Variants in ADAM20 observed in about 807,000 individuals in gnomAD.
The protein encoded by ADAM20 is ADAM metallopeptidase domain 20, also known as disintegrin and metalloproteinase domain-containing protein 20.
For missense variants in ADAM20, 871 were observed against 883.2 expected, an observed-to-expected ratio of 0.99 and a Z score of 0.18; for synonymous variants, 305 against 310.2, an observed-to-expected ratio of 0.98 and a Z score of 0.18.
chr14:70,544,929 T>C, the ADAM20 span, among the ~76,000 whole-genome samples: 1 of 152,158 alleles, frequency 6.6e-6, no homozygotes, highest in East Asian at 1.9e-4. Context: ...ATAAAATTTA[T>C]GAATATCTAG....
At chr14:70,571,430 G>A in the ADAM20 span, among the ~76,000 whole-genome samples, 195 of 152,342 alleles carry the variant, frequency 1.3e-3, no homozygotes, top group Admixed American at 2.3e-3. Context: ...CTGCCATCAT[G>A]TGAAGAAGAA....
chr14:70,523,686 C>T lies in ADAM20; in HGVS notation c.1072G>A (p.Val358Met), dbSNP rs748598801. 1.1e-5 allele frequency: 17 copies of T among 1,614,090 alleles called. 1 individual carries two copies. In the South Asian group the frequency reaches 1.8e-4, roughly 17 times the overall value. Residue 358 changes from valine to methionine, a missense_variant, in exon 2 of 2, where the codon GTG (valine) becomes ATG (methionine). Transcript: ENST00000256389. ...ATTATGCACCACTGTAGCTCGCACA[C>T]ACACCACTGGGTGTCATGTTGCATA... is the stretch of plus-strand genomic sequence containing the variant. Reference protein sequence around the residue: ...LGMQHDTQWCVCELQWCIMHA... With the variant: ...LGMQHDTQWCMCELQWCIMHA...
At chr14:70,576,965 G>A in the ADAM20 span, among the ~76,000 whole-genome samples, 2 of 152,144 alleles carry the variant, frequency 1.3e-5, no homozygotes, top group African/African-American at 4.8e-5. Flanking sequence ...CCTGAGCTGG[G>A]CTGTGAAGAA....
the ADAM20 span, among the ~76,000 whole-genome samples, chr14:70,565,086 A>T: frequency 6.6e-6 from 1 of 151,196 alleles, no homozygotes; most frequent in Admixed American, 6.6e-5. Flanking sequence ...ATATAATTAA[A>T]TTTTTAAAAT....
In ADAM20 at chr14:70,522,751, T is replaced by C; in HGVS notation, c.2007A>G (p.Gly669=). The change falls in exon 2 of 2, where the codon GGA becomes GGG. Residue 669 remains glycine, a synonymous_variant. Coordinates refer to ENST00000256389, the MANE Select transcript of ADAM20 (RefSeq NM_003814.5). ...GAGGTGGGCCACTATCAGCACTACCTCCATAGCCTTTGTCCTTGCAGTATG... is the reference window on the plus strand; with the variant it reads ...GAGGTGGGCCACTATCAGCACTACCCCCATAGCCTTTGTCCTTGCAGTATG... ...APPYCKDKGY[G]GSADSGPPPK... 2 of 1,614,040 alleles carry C rather than the reference T, an allele frequency of 1.2e-6. No individual in the cohort carries two copies. The highest frequency in any genetic ancestry group is 8.5e-7 in the Non-Finnish European group (1 of 1,179,940).
At chr14:70,525,565 C>G (rs1001967317) in intron 1 of ADAM20, among the ~76,000 whole-genome samples, 1 of 152,106 alleles carries the variant, frequency 6.6e-6, no homozygotes. Context: ...ACAAATCTTT[C>G]TTCCAACCAA....
At chr14:70,536,079 T>C (rs879899895), upstream of ADAM20, among the ~76,000 whole-genome samples, 8 of 152,240 alleles carry the variant, frequency 5.3e-5, no homozygotes, top group South Asian at 2.1e-4. Flanking sequence ...CATCCAACAA[T>C]TGCAGCACAG....
the ADAM20 span, among the ~76,000 whole-genome samples, chr14:70,578,201 A>G: frequency 6.6e-6 from 1 of 152,134 alleles, no homozygotes; most frequent in Non-Finnish European, 1.5e-5. Flanking sequence ...ATCATTTTTT[A>G]AAATGATCTT....
the ADAM20 span, among the ~76,000 whole-genome samples, chr14:70,560,019 G>A: frequency 6.6e-6 from 1 of 152,030 alleles, no homozygotes; most frequent in Non-Finnish European, 1.5e-5. Flanking sequence ...AAGAATAAAG[G>A]GGAGAAAATG....
At chr14:70,573,964 A>G in the ADAM20 span, among the ~76,000 whole-genome samples, 1 of 152,246 alleles carries the variant, frequency 6.6e-6, no homozygotes, top group African/African-American at 2.4e-5. Context: ...AAGGTCATCC[A>G]GACAGAAAAT....
chr14:70,522,776 G>A lies in ADAM20; in HGVS notation c.1982C>T (p.Pro661Leu). 1 of 1,614,038 alleles carries A rather than the reference G, an allele frequency of 6.2e-7. No individual in the cohort carries two copies. The highest frequency in any genetic ancestry group is 8.5e-7 in the Non-Finnish European group (1 of 1,179,944). Reference sequence around the variant, plus strand: ...TCCATAGCCTTTGTCCTTGCAGTATGGGGGTGCCCATTCATGGTTGCAGTG... The same window carrying A: ...TCCATAGCCTTTGTCCTTGCAGTATAGGGGTGCCCATTCATGGTTGCAGTG... ...HCHCNHEWAPPYCKDKGYGGS... is the reference protein window; with the variant it reads ...HCHCNHEWAPLYCKDKGYGGS... The change falls in exon 2 of 2, where the codon CCA becomes CTA. Residue 661 changes from proline to leucine, a missense_variant. Physicochemically the swap from Pro to Leu is moderately conservative, Grantham distance 98. Transcript: ENST00000256389.
chr14:70,565,961 C>T, the ADAM20 span, among the ~76,000 whole-genome samples: 1 of 151,568 alleles, frequency 6.6e-6, no homozygotes, highest in African/African-American at 2.4e-5. Flanking sequence ...ACCAAGAGTG[C>T]TATACCCAGC....
chr14:70,577,261 A>C, the ADAM20 span, among the ~76,000 whole-genome samples: 5 of 152,286 alleles, frequency 3.3e-5, no homozygotes, highest in East Asian at 9.6e-4. Context: ...ATAGTACATA[A>C]AAAAATAATA....
the ADAM20 span, among the ~76,000 whole-genome samples, chr14:70,566,756 G>C: frequency 5.9e-5 from 9 of 152,160 alleles, no homozygotes; most frequent in Non-Finnish European, 1.0e-4. Context: ...GAGGCAGGCA[G>C]ATCACTTGAG....
At position 70,523,689 on chromosome 14, in the gene ADAM20, A is replaced by T; in HGVS notation, c.1069T>A (p.Cys357Ser). The change falls in exon 2 of 2, where the codon TGT becomes AGT. Residue 357 changes from cysteine to serine, a missense_variant. By Grantham distance (112) the Cys-to-Ser change is moderately radical. Transcript: ENST00000256389. ...NLGMQHDTQW[C>S]VCELQWCIMH... ...ATGCACCACTGTAGCTCGCACACACACCACTGGGTGTCATGTTGCATACCC... is the reference window on the plus strand; with the variant it reads ...ATGCACCACTGTAGCTCGCACACACTCCACTGGGTGTCATGTTGCATACCC... 1 of 1,614,100 alleles carries T rather than the reference A, an allele frequency of 6.2e-7. No individual in the cohort carries two copies. The highest frequency in any genetic ancestry group is 8.5e-7 in the Non-Finnish European group (1 of 1,179,990).
intron 1 of ADAM20, among the ~76,000 whole-genome samples, chr14:70,530,462 G>A (rs1883686898): frequency 6.6e-6 from 1 of 152,076 alleles, no homozygotes; most frequent in South Asian, 2.1e-4. Flanking sequence ...GTATAGTATA[G>A]GAAATCTTTT....
Position 70,524,937 on chromosome 14 carries a change from A to C in ADAM20, c.-176-4T>G. 1 of 1,558,868 alleles carries C rather than the reference A, an allele frequency of 6.4e-7. No individual in the cohort carries two copies. Among genetic ancestry groups the C allele is most frequent in the East Asian group, 2.3e-5 (1 of 44,270 alleles). On this transcript the variant is annotated splice_polypyrimidine_tract_variant and splice_region_variant and intron_variant, in intron 1 of 1. Transcript: ENST00000256389. Reference sequence around the variant, plus strand: ...GCTGCAGTGCTGAAAATAAAAACTGAAAGAGCCAGGATGGGGTGGGTGGGA... The same window carrying C: ...GCTGCAGTGCTGAAAATAAAAACTGCAAGAGCCAGGATGGGGTGGGTGGGA...
chr14:70,572,772 A>C, the ADAM20 span, among the ~76,000 whole-genome samples: 1 of 152,132 alleles, frequency 6.6e-6, no homozygotes, highest in Non-Finnish European at 1.5e-5. Context: ...ATTGAAAAGT[A>C]GGCAAAGGAC....
At chr14:70,525,153 T>C (rs1883561991) in intron 1 of ADAM20, among the ~76,000 whole-genome samples, 1 of 152,216 alleles carries the variant, frequency 6.6e-6, no homozygotes. Context: ...TTATATACTG[T>C]TCTTAAAATA....
Sources: allele counts gnomAD v4.1 joint callset (sites outside exome capture counted in the v4.1 genomes callset), GRCh38; gene constraint gnomAD v4.1.1; transcripts MANE v1.5; gene names NCBI Gene and HGNC (gene_info 2026-07-23, HGNC 2026-07-21).